PCDHA3: variants seen among roughly 807,000 people sequenced by gnomAD.
PCDHA3 encodes protocadherin alpha-3.
Under a neutral mutation model 62.2 loss-of-function variants are expected in PCDHA3, and 41 were observed. The observed-to-expected ratio is 0.66, with a 90% CI of 0.51 to 0.86. PCDHA3 has a LOEUF of 0.86. Among genes scored for constraint, PCDHA3 ranks in the 40% least tolerant of loss-of-function variants. The pLI is 0.00. For missense variants in PCDHA3, 1,304 were observed against 1,241.2 expected (o/e 1.05, Z -0.76); for synonymous variants, 640 against 555.4 (o/e 1.15, Z -2.14).
chr5:140,851,579 C>T lies in PCDHA3; in HGVS notation c.2394+47988C>T, dbSNP rs527993952. On this transcript the variant is annotated intron_variant, in intron 1 of 3. Transcript: ENST00000522353. ...ACTGAAATTTTGTCTACACTTAGAA[C>T]ATTTTTTGAAATTCAGTTTACAGAA... 1.1e-5 allele frequency: 10 copies of T among 913,374 alleles called. No homozygotes were observed. In the South Asian group the frequency reaches 4.0e-4, roughly 36 times the overall value. 56.6% of individuals were successfully genotyped at this position (913,374 alleles called of 1,614,324 possible).
intron 1 of PCDHA3, among the ~76,000 whole-genome samples, chr5:140,949,544 T>C (rs981428881): frequency 5.3e-5 from 8 of 151,908 alleles, no homozygotes; most frequent in Non-Finnish European, 1.2e-4. Flanking sequence ...TATCGATTTG[T>C]TGCTGGTCAT....
intron 1 of PCDHA3, chr5:140,834,282 A>C: frequency 8.7e-7 from 1 of 1,148,074 alleles, no homozygotes; most frequent in Admixed American, 2.3e-5. Context: ...CTTTGGATGC[A>C]CAACAATGGC....
Position 140,802,454 on chromosome 5 carries a change from G to A in PCDHA3, c.1257G>A (p.Ser419=), listed in dbSNP as rs1554122143. 6 of 1,614,214 alleles carry A rather than the reference G, an allele frequency of 3.7e-6. No individual in the cohort carries two copies. Among genetic ancestry groups the A allele is most frequent in the East Asian group, 2.2e-5 (1 of 44,884 alleles). Residue 419 remains serine (S), a synonymous_variant, in exon 1 of 4, where the codon TCG becomes TCA. Transcript: ENST00000522353. The part of the protein sequence containing the change: ...LDSPLDRESV[S]AYELVVTARD... ...GCCCTCTGGACCGCGAGAGCGTGTC[G>A]GCCTATGAGCTGGTGGTGACTGCTC...
At chr5:141,004,255 G>T (rs782648685) in intron 3 of PCDHA3, among the ~76,000 whole-genome samples, 2 of 152,190 alleles carry the variant, frequency 1.3e-5, no homozygotes, top group Non-Finnish European at 2.9e-5. Flanking sequence ...TTGTTTTACT[G>T]GAATGAGTCA....
intron 1 of PCDHA3, chr5:140,869,657 A>G (rs2051312714): frequency 6.2e-7 from 1 of 1,613,452 alleles, no homozygotes; most frequent in South Asian, 1.1e-5. Flanking sequence ...TCACCAACAA[A>G]TGGTAAGCAG....
chr5:140,873,734 C>T (rs2054463877), intron 1 of PCDHA3, among the ~76,000 whole-genome samples: 1 of 152,178 alleles, frequency 6.6e-6, no homozygotes, highest in African/African-American at 2.4e-5. Flanking sequence ...AATCTCAGCT[C>T]ACTGCAATCT....
At chr5:140,830,010 C>G in intron 1 of PCDHA3, 6 of 1,613,914 alleles carry the variant, frequency 3.7e-6, no homozygotes, top group Non-Finnish European at 5.1e-6. Context: ...CTGGACGAAG[C>G]GGACTCTCCG....
At chr5:140,841,916 T>A (rs1554138648) in intron 1 of PCDHA3, 11 of 1,613,792 alleles carry the variant, frequency 6.8e-6, no homozygotes, top group Non-Finnish European at 9.3e-6. Flanking sequence ...ATTAAGAAAA[T>A]CCTTGGACAG....
At chr5:140,967,321 C>T (rs985147302) in intron 1 of PCDHA3, 12 of 1,609,430 alleles carry the variant, frequency 7.5e-6, no homozygotes, top group Non-Finnish European at 1.0e-5. Context: ...TACAGACCTA[C>T]GAGCTCAGCC....
At chr5:140,925,286 A>G (rs545624226) in intron 1 of PCDHA3, among the ~76,000 whole-genome samples, 9 of 152,288 alleles carry the variant, frequency 5.9e-5, no homozygotes, top group African/African-American at 2.2e-4. Context: ...TTGCCTTTCA[A>G]ATGTTTCATT....
At chr5:140,850,694 G>C in intron 1 of PCDHA3, 2 of 1,598,344 alleles carry the variant, frequency 1.3e-6, no homozygotes, top group Non-Finnish European at 1.7e-6. Context: ...GCGAGTGCGC[G>C]CCTGGCAAGC....
At position 140,802,184 on chromosome 5, in the gene PCDHA3, AATGTCAG is replaced by A. The variant is rs1554121927; in HGVS notation, c.990_996del (p.Met330IlefsTer19). 1 of 1,614,226 alleles carries A rather than the reference AATGTCAG, an allele frequency of 6.2e-7. No individual in the cohort carries two copies. ...AAGCCACGGATAAAGGAAATCCCCCAATGTCAGATCACTGCACAGTTCTACTCGAAAT... is the reference window on the plus strand; with the variant it reads ...AAGCCACGGATAAAGGAAATCCCCCAATCACTGCACAGTTCTACTCGAAAT... On this transcript the variant is annotated frameshift_variant, in exon 1 of 4. Coordinates refer to ENST00000522353, the MANE Select transcript of PCDHA3 (RefSeq NM_018906.3). LOFTEE classifies it high-confidence loss of function.
chr5:140,988,247 TC>T (rs2097289620), intron 3 of PCDHA3, among the ~76,000 whole-genome samples: 1 of 152,148 alleles, frequency 6.6e-6, no homozygotes, highest in Admixed American at 6.5e-5. Context: ...GTGGGGCAGC[TC>T]CCGCCTGTGA....
At chr5:140,929,113 A>G (rs1554206696) in intron 1 of PCDHA3, 5 of 1,614,154 alleles carry the variant, frequency 3.1e-6, no homozygotes, top group East Asian at 2.2e-5. Flanking sequence ...GACATCAGCC[A>G]CCATAGATGT....
intron 1 of PCDHA3, among the ~76,000 whole-genome samples, chr5:140,920,281 A>G (rs1227812998): frequency 6.6e-6 from 1 of 152,176 alleles, no homozygotes; most frequent in Admixed American, 6.5e-5. Flanking sequence ...GTAATCTTAT[A>G]TTTTTTAGAG....
In PCDHA3 at chr5:140,803,126, G is replaced by C; in HGVS notation, c.1929G>C (p.Pro643=). ...GTGCCCTGGACGAGGTGGACGCCCC[G>C]CGCCATCGCCTACTGGTGCTGGTGA... is the stretch of plus-strand genomic sequence containing the variant. The part of the protein sequence containing the change: ...TTRALDEVDA[P]RHRLLVLVKD... Residue 643 remains proline (P), a synonymous_variant, in exon 1 of 4, where the codon CCG becomes CCC. Coordinates refer to ENST00000522353, the MANE Select transcript of PCDHA3 (RefSeq NM_018906.3). The C allele has an allele frequency of 1.2e-6, 2 of 1,613,810 alleles. No homozygotes were observed. Among genetic ancestry groups the C allele is most frequent in the Non-Finnish European group, 1.7e-6 (2 of 1,179,934 alleles).
chr5:140,869,309 A>T, intron 1 of PCDHA3: 1 of 1,613,682 alleles, frequency 6.2e-7, no homozygotes, highest in Non-Finnish European at 8.5e-7. Context: ...GTGGCGTCCA[A>T]AACACATGGG....
intron 1 of PCDHA3, chr5:140,849,501 C>T (rs251354): frequency 6.4e-7 from 1 of 1,571,602 alleles, no homozygotes; most frequent in African/African-American, 1.4e-5. Flanking sequence ...TCATTGTACA[C>T]TTCTTGTGGA....
intron 1 of PCDHA3, among the ~76,000 whole-genome samples, chr5:140,896,536 C>CTTTT (rs34213614): frequency 1.4e-5 from 2 of 145,620 alleles, no homozygotes; most frequent in Admixed American, 6.8e-5. Context: ...AGCTATTTTT[C>CTTTT]TTTTTTTTTT....
Sources: allele counts gnomAD v4.1 joint callset (sites outside exome capture counted in the v4.1 genomes callset), GRCh38; gene constraint gnomAD v4.1.1; transcripts MANE v1.5; gene names NCBI Gene and HGNC (gene_info 2026-07-23, HGNC 2026-07-21).